Variants in LRP1B observed in about 807,000 individuals in gnomAD.
LRP1B encodes the protein LDL receptor related protein 1B.
A neutral mutation model predicts 556.6 loss-of-function variants in LRP1B; 217 were observed. The ratio of observed to expected loss-of-function variants is 0.39; its 90% confidence interval spans 0.35 to 0.44. LRP1B has a LOEUF of 0.44. LRP1B is among the 20% of genes least tolerant of loss of function. The pLI, the probability that LRP1B is intolerant of heterozygous loss-of-function variation, is 1.00. For missense variants in LRP1B, 5,053 were observed against 5,620.8 expected (o/e 0.90, Z 3.23); for synonymous variants, 2,047 against 1,865.8 (o/e 1.10, Z -2.50).
At position 140,813,735 on chromosome 2, in the gene LRP1B, T is replaced by A. The variant is rs201617715; in HGVS notation, c.5281A>T (p.Asn1761Tyr). ...SSGNGTINRC[N>Y]LDGGNLEVIE... ...ACTTCTAAATTACCACCATCCAGGT[T>A]GCATCTATTTATGGTTCCATTCCCT... is the stretch of plus-strand genomic sequence containing the variant. The change falls in exon 32 of 91, where the codon AAC (asparagine) becomes TAC (tyrosine). Residue 1761 changes from asparagine to tyrosine, a missense_variant. By Grantham distance (143) the Asn-to-Tyr change is moderately radical (BLOSUM62 -2). This residue lies in a region of LRP1B where 3,619 missense variants were observed against 3,931.9 expected (regional missense o/e 0.92). Coordinates refer to ENST00000389484, the MANE Select transcript of LRP1B (RefSeq NM_018557.3). 1 of 1,610,464 alleles carries A rather than the reference T, an allele frequency of 6.2e-7. No homozygotes were observed. The highest frequency in any genetic ancestry group is 8.5e-7 in the Non-Finnish European group (1 of 1,176,790).
intron 2 of LRP1B, among the ~76,000 whole-genome samples, chr2:141,797,146 C>A (rs1212035356): frequency 1.3e-5 from 1 of 79,088 alleles, no homozygotes; most frequent in Non-Finnish European, 2.4e-5. Flanking sequence ...TGAAAATAAT[C>A]ATATATATAT....
In LRP1B at chr2:140,654,050, A is replaced by AAG. The variant is rs1302463240; in HGVS notation, c.6799+46198_6799+46199dup. ...CAAAAAAAAAAAAAAAAAAAAAAAA[A>AAG]AGAGAGAGAGTTTAACTACATTTGG... On this transcript the variant is annotated intron_variant, in intron 41 of 90. Transcript: ENST00000389484. Among the ~76,000 whole-genome samples, 21 of 149,964 alleles carry AAG rather than the reference A, an allele frequency of 1.4e-4. No individual in the cohort carries two copies. The East Asian group carries it at 1.6e-3, about 11-fold the overall frequency.
intron 1 of LRP1B, among the ~76,000 whole-genome samples, chr2:141,817,235 TA>T (rs891178233): frequency 3.3e-5 from 5 of 152,188 alleles, no homozygotes; most frequent in Non-Finnish European, 5.9e-5. Flanking sequence ...CATAGTGTTT[TA>T]CACTGTAATT....
chr2:141,629,047 T>C (rs372371034), intron 2 of LRP1B, among the ~76,000 whole-genome samples: 2 of 152,206 alleles, frequency 1.3e-5, no homozygotes, highest in Non-Finnish European at 2.9e-5. Flanking sequence ...AGAATCATAA[T>C]GTCCAAAGAT....
At chr2:140,528,144 G>A (rs1339617846) in intron 47 of LRP1B, among the ~76,000 whole-genome samples, 4 of 151,866 alleles carry the variant, frequency 2.6e-5, no homozygotes, top group African/African-American at 9.7e-5. Context: ...GGCAAATGTA[G>A]GGAATGGCAT....
rs562907915 is a variant in LRP1B, at chr2:141,213,780, C to T, written c.850+15403G>A. Among the ~76,000 whole-genome samples, 28 of 152,136 alleles carry T rather than the reference C, an allele frequency of 1.8e-4. No homozygotes were observed. In the South Asian group the frequency reaches 4.2e-3, roughly 23 times the overall value. The stretch of plus-strand genomic sequence containing the variant: ...AAAGTAAATACTATAAAAATAGTTT[C>T]TATACTGTATTGGTTTTTACTTGCA... On this transcript the variant is annotated intron_variant, in intron 6 of 90. Transcript: ENST00000389484.
At chr2:141,121,842 C>T (rs534857398) in intron 7 of LRP1B, among the ~76,000 whole-genome samples, 3 of 152,312 alleles carry the variant, frequency 2.0e-5, no homozygotes, top group African/African-American at 7.2e-5. Flanking sequence ...CGCTACCTGA[C>T]TTCATGCTAT....
intron 35 of LRP1B, among the ~76,000 whole-genome samples, chr2:140,754,380 C>G (rs1475408897): frequency 6.6e-6 from 1 of 152,040 alleles, no homozygotes; most frequent in African/African-American, 2.4e-5. Context: ...CAGAGTGGAG[C>G]AATTAATGTC....
intron 3 of LRP1B, among the ~76,000 whole-genome samples, chr2:141,355,959 T>G (rs1688613129): frequency 6.6e-6 from 1 of 152,172 alleles, no homozygotes; most frequent in South Asian, 2.1e-4. Context: ...AGGAATTACC[T>G]AAATTACCAA....
intron 19 of LRP1B, among the ~76,000 whole-genome samples, chr2:140,950,619 G>A (rs1422351105): frequency 6.6e-6 from 1 of 151,852 alleles, no homozygotes; most frequent in Non-Finnish European, 1.5e-5. Flanking sequence ...CAAGTAAGTG[G>A]GACCACAGAT....
Position 141,319,299 on chromosome 2 carries a change from G to GTTTTTTTTTTTTTT in LRP1B, c.344-64659_344-64658insAAAAAAAAAAAAAA, listed in dbSNP as rs201761576. Among the ~76,000 whole-genome samples the GTTTTTTTTTTTTTT allele has an allele frequency of 1.0e-3, 82 of 80,458 alleles. 15 individuals carry two copies. Among genetic ancestry groups the GTTTTTTTTTTTTTT allele is most frequent in the African/African-American group, 3.2e-3 (63 of 19,626 alleles). The allele number at this position is 80,458 out of a possible 152,430, so 52.8% of individuals were successfully genotyped here. On this transcript the variant is annotated intron_variant, in intron 3 of 90. Coordinates refer to ENST00000389484, the MANE Select transcript of LRP1B (RefSeq NM_018557.3). ...CATAATGTAGTCTCTAAAAAGCAGTGTTTTTTTGTTGTTTTTTTTTTTTTT... is the reference window on the plus strand; with the variant it reads ...CATAATGTAGTCTCTAAAAAGCAGTGTTTTTTTTTTTTTTTTTTTTTGTTGTTTTTTTTTTTTTT...
rs1573719373 is a variant in LRP1B, at chr2:140,274,477, C to T, written c.13089G>A (p.Arg4363=). 1 of 1,612,764 alleles carries T rather than the reference C, an allele frequency of 6.2e-7. No homozygotes were observed. The highest frequency in any genetic ancestry group is 8.5e-7 in the Non-Finnish European group (1 of 1,179,160). Residue 4363 remains arginine (R), a synonymous_variant, in exon 85 of 91, where the codon AGG becomes AGA. Transcript: ENST00000389484. ...TTATAATGCAGTGCCCCCCATGGCA[C>T]CTTACACACTTGTCAACCTCACATT... ...GPKCEVDKCV[R]CHGGHCIINK... is the part of the protein sequence containing the mutation.
intron 78 of LRP1B, 57 bp from the exon 79 acceptor site, chr2:140,334,616 C>T: frequency 1.1e-6 from 1 of 947,184 alleles, no homozygotes; most frequent in Non-Finnish European, 1.6e-6. Context: ...TAACCAGACT[C>T]TGCTCCGCAA....
chr2:141,738,812 T>C (rs1558840328), intron 2 of LRP1B, among the ~76,000 whole-genome samples: 1 of 152,150 alleles, frequency 6.6e-6, no homozygotes, highest in African/African-American at 2.4e-5. Flanking sequence ...ACCTCAGTTA[T>C]ATTCAATCTT....
intron 6 of LRP1B, among the ~76,000 whole-genome samples, chr2:141,194,325 CA>C (rs1158403425): frequency 6.6e-6 from 1 of 151,908 alleles, no homozygotes; most frequent in Non-Finnish European, 1.5e-5. Flanking sequence ...GATTTTCTAC[CA>C]ACCAGAAATG....
intron 7 of LRP1B, among the ~76,000 whole-genome samples, chr2:141,139,235 T>G (rs1574114994): frequency 6.6e-6 from 1 of 151,796 alleles, no homozygotes; most frequent in South Asian, 2.1e-4. Context: ...TAAAATGAAA[T>G]GTAAAGTCCT....
intron 2 of LRP1B, among the ~76,000 whole-genome samples, chr2:141,659,069 A>C (rs960919431): frequency 2.0e-5 from 3 of 151,992 alleles, no homozygotes; most frequent in Admixed American, 6.6e-5. Context: ...ATACCCGACT[A>C]ATTTTGTTTG....
intron 23 of LRP1B, among the ~76,000 whole-genome samples, chr2:140,887,149 A>G (rs564610264): frequency 6.6e-6 from 1 of 152,318 alleles, no homozygotes; most frequent in African/African-American, 2.4e-5. Context: ...GCTGTATGAC[A>G]TTATTGTGAC....
In LRP1B at chr2:141,467,102, GTATATATATATATATATATATCTATA is replaced by G. The variant is rs58139323; in HGVS notation, c.343+13268_343+13293del. On this transcript the variant is annotated intron_variant, in intron 3 of 90. Transcript: ENST00000389484. Reference sequence around the variant, plus strand: ...TACACACACACACACATATATATGTGTATATATATATATATATATATCTATATATATATATATATATATATATATCC... The same window carrying G: ...TACACACACACACACATATATATGTGTATATATATATATATATATATATCC... 7.3e-3 allele frequency among the ~76,000 whole-genome samples: 613 copies of G among 84,382 alleles called. 13 individuals carry two copies. Among genetic ancestry groups the G allele is most frequent in the African/African-American group, 0.033 (566 of 17,030 alleles). 55.4% of individuals were successfully genotyped at this position (84,382 alleles called of 152,430 possible). A position where few individuals can be genotyped will look rare whatever the true frequency, so the allele number is the denominator to read the frequency against.
Sources: allele counts gnomAD v4.1 joint callset (sites outside exome capture counted in the v4.1 genomes callset), GRCh38; gene constraint gnomAD v4.1.1; regional missense constraint gnomAD v4.1.1; transcripts MANE v1.5; gene names NCBI Gene and HGNC (gene_info 2026-07-23, HGNC 2026-07-21).